Variants in SCAF4 observed in about 807,000 individuals in gnomAD.
SCAF4 encodes the protein SR-related CTD associated factor 4.
A neutral mutation model predicts 129.8 loss-of-function variants in SCAF4; 25 were observed. That is an observed-to-expected ratio of 0.19 (90% CI 0.14 to 0.27). The LOEUF is 0.27. Ranked by LOEUF, SCAF4 falls within the 10% of genes least tolerant of loss-of-function variation. The probability of loss-of-function intolerance (pLI) is 1.00; values close to 1 mark genes in which losing one functional copy is unlikely to be tolerated. For missense variants in SCAF4, 1,246 were observed against 1,457.1 expected (o/e 0.86, Z 2.36); for synonymous variants, 551 against 497.7 (o/e 1.11, Z -1.43).
chr21:31,728,281 C>T (rs1283627888), intron 1 of SCAF4, among the ~76,000 whole-genome samples: 1 of 152,176 alleles, frequency 6.6e-6, no homozygotes, highest in Admixed American at 6.5e-5. Flanking sequence ...GTGCCTAGTA[C>T]ATTGTTAACT....
intron 1 of SCAF4, among the ~76,000 whole-genome samples, chr21:31,711,590 A>AT (rs1247306961): frequency 6.6e-6 from 1 of 152,218 alleles, no homozygotes; most frequent in Non-Finnish European, 1.5e-5. Flanking sequence ...AAGTGGTAAA[A>AT]TTCAATCTGT....
Position 31,696,131 on chromosome 21 carries a change from C to A in SCAF4, c.1050G>T (p.Gln350His), listed in dbSNP as rs370707506. Residue 350 changes from glutamine (Q) to histidine (H), a missense_variant, in exon 9 of 20, where the codon CAG (glutamine) becomes CAT (histidine). This residue lies in a region of SCAF4 where 236 missense variants were observed against 210.0 expected (regional missense o/e 1.12). Coordinates refer to ENST00000286835, the MANE Select transcript of SCAF4 (RefSeq NM_020706.2). ...QFQPRMMGIQQDPMHHQVPLP... is the reference protein window; with the variant it reads ...QFQPRMMGIQHDPMHHQVPLP... Reference sequence around the variant, plus strand: ...CTTGTACCTGATGGTGCATTGGATCCTGTTGTATTCCCATCATTCGTGGCT... The same window carrying A: ...CTTGTACCTGATGGTGCATTGGATCATGTTGTATTCCCATCATTCGTGGCT... The A allele has an allele frequency of 6.2e-7, 1 of 1,611,942 alleles. No homozygotes were observed. The highest frequency in any genetic ancestry group is 1.7e-5 in the Admixed American group (1 of 59,950).
At chr21:31,699,224 A>C (rs185850574) in intron 7 of SCAF4, among the ~76,000 whole-genome samples, 11 of 152,216 alleles carry the variant, frequency 7.2e-5, no homozygotes, top group Admixed American at 7.2e-4. Context: ...ATTTTCAAAA[A>C]CATAATGGTT....
chr21:31,723,629 T>TGTGTGTGTGTGTGTGTGCGCGCGC (rs1271033175), intron 1 of SCAF4, among the ~76,000 whole-genome samples: 1 of 149,000 alleles, frequency 6.7e-6, no homozygotes, highest in African/African-American at 2.5e-5. Flanking sequence ...TGTGTGTGTG[T>TGTGTGTGTGTGTGTGTGCGCGCGC]GCGCGCGCGC....
intron 1 of SCAF4, among the ~76,000 whole-genome samples, chr21:31,718,767 A>G (rs1190403084): frequency 1.3e-5 from 2 of 152,228 alleles, no homozygotes; most frequent in Non-Finnish European, 2.9e-5. Context: ...ATAAGCAACA[A>G]AACCGCACAT....
intron 19 of SCAF4, among the ~76,000 whole-genome samples, chr21:31,678,271 T>TCTACCA (rs2049910115): frequency 6.6e-6 from 1 of 152,210 alleles, no homozygotes; most frequent in African/African-American, 2.4e-5. Flanking sequence ...GGCAATTACA[T>TCTACCA]CTACCAGTTG....
intron 19 of SCAF4, among the ~76,000 whole-genome samples, chr21:31,679,433 T>C (rs369028493): frequency 3.9e-5 from 6 of 152,170 alleles, no homozygotes; most frequent in African/African-American, 1.2e-4. Context: ...TTCCTTTGCA[T>C]AGATTCACCA....
chr21:31,701,979 A>AAGCTATTTT (rs1439856169), intron 5 of SCAF4, 61 bp from the exon 6 acceptor site: 2 of 1,568,350 alleles, frequency 1.3e-6, no homozygotes, highest in Admixed American at 3.9e-5. Context: ...TTTCCTAATT[A>AAGCTATTTT]AGCTTCTTTG....
At chr21:31,721,855 G>C (rs1340161900) in intron 1 of SCAF4, among the ~76,000 whole-genome samples, 3 of 151,744 alleles carry the variant, frequency 2.0e-5, no homozygotes, top group African/African-American at 7.3e-5. Context: ...TGAGTAGCTG[G>C]GATTACAGGC....
chr21:31,730,382 G>T (rs898504602), intron 1 of SCAF4, among the ~76,000 whole-genome samples: 1 of 152,086 alleles, frequency 6.6e-6, no homozygotes, highest in African/African-American at 2.4e-5. Flanking sequence ...TGCAGTTAGG[G>T]CATTTTATGT....
At chr21:31,698,355 T>C (rs1460718094) in intron 7 of SCAF4, among the ~76,000 whole-genome samples, 4 of 152,192 alleles carry the variant, frequency 2.6e-5, no homozygotes, top group Non-Finnish European at 5.9e-5. Context: ...GGTTAAATAC[T>C]AGAGGAATTA....
intron 8 of SCAF4, 152 bp downstream of exon 8, chr21:31,696,417 A>G: frequency 6.9e-6 from 6 of 866,388 alleles, no homozygotes; most frequent in Non-Finnish European, 1.0e-5. Context: ...AAATCTTAAG[A>G]GGATCCCTTC....
chr21:31,671,194 A>G lies in SCAF4; in HGVS notation c.*205T>C. On this transcript the variant is annotated 3_prime_UTR_variant, in exon 20 of 20. Transcript: ENST00000286835. ...AAACTTTTAAAAAGTTACAGCAAAA[A>G]GGGTAATATTTATTCATATTTTCAG... The G allele has an allele frequency of 2.3e-6, 1 of 438,676 alleles. No homozygotes were observed. The highest frequency in any genetic ancestry group is 2.0e-5 in the African/African-American group (1 of 49,608). The allele number at this position is 438,676 out of a possible 1,614,324, so 27.2% of individuals were successfully genotyped here.
At chr21:31,686,740 T>C (rs2050135669) in intron 16 of SCAF4, among the ~76,000 whole-genome samples, 1 of 152,158 alleles carries the variant, frequency 6.6e-6, no homozygotes, top group East Asian at 1.9e-4. Context: ...GCGGCAGCAT[T>C]AGATTGTCAT....
intron 2 of SCAF4, 26 bp from the exon 3 acceptor site, chr21:31,705,493 T>C (rs767536997): frequency 9.0e-7 from 1 of 1,107,894 alleles, no homozygotes; most frequent in South Asian, 1.6e-5. Flanking sequence ...AGAAAATTAC[T>C]GTTCAGTTTA....
At position 31,671,703 on chromosome 21, in the gene SCAF4, TC is replaced by T; in HGVS notation, c.3139del (p.Glu1047LysfsTer37). 1 of 1,614,104 alleles carries T rather than the reference TC, an allele frequency of 6.2e-7. No homozygotes were observed. Reference protein sequence around the residue: ...SPDRDRHRDLEERNRRSSGHR... With the variant: ...SPDRDRHRDLXERNRRSSGHR... ...CCCACTAGAGCGTCTATTTCTCTCTTCCAAGTCTCTGTGCCTGTCCCGGTCA... is the reference window on the plus strand; with the variant it reads ...CCCACTAGAGCGTCTATTTCTCTCTTCAAGTCTCTGTGCCTGTCCCGGTCA... On this transcript the variant is annotated frameshift_variant, in exon 20 of 20. Coordinates refer to ENST00000286835, the MANE Select transcript of SCAF4 (RefSeq NM_020706.2). LOFTEE classifies it high-confidence loss of function.
chr21:31,696,713 T>C lies in SCAF4; in HGVS notation c.815A>G (p.Glu272Gly). The C allele has an allele frequency of 6.2e-7, 1 of 1,613,350 alleles. No individual in the cohort carries two copies. The highest frequency in any genetic ancestry group is 8.5e-7 in the Non-Finnish European group (1 of 1,179,584). Residue 272 changes from glutamate (E) to glycine (G), a missense_variant, in exon 8 of 20, where the codon GAA becomes GGA. By Grantham distance (98) the Glu-to-Gly change is moderately conservative (BLOSUM62 -2). This residue lies in a region of SCAF4 where 236 missense variants were observed against 210.0 expected (regional missense o/e 1.12). Transcript: ENST00000286835. ...LDRFDYDDEP[E>G]AVEESKKEDT... Reference sequence around the variant, plus strand: ...CTCTTTCTTTGATTCTTCCACAGCTTCTGGCTCATCATCATAGTCAAATCT... The same window carrying C: ...CTCTTTCTTTGATTCTTCCACAGCTCCTGGCTCATCATCATAGTCAAATCT...
intron 1 of SCAF4, among the ~76,000 whole-genome samples, chr21:31,717,376 A>G (rs2123658818): frequency 6.6e-6 from 1 of 152,292 alleles, no homozygotes. Flanking sequence ...AAAAAAAGAC[A>G]AAGGAAATAC....
At chr21:31,720,564 G>A (rs954862048) in intron 1 of SCAF4, among the ~76,000 whole-genome samples, 2 of 152,152 alleles carry the variant, frequency 1.3e-5, no homozygotes, top group African/African-American at 4.8e-5. Context: ...GTGGGGCTGT[G>A]GACTAGACTC....
Sources: gnomAD v4.1 joint callset for allele counts (sites outside exome capture counted in the v4.1 genomes callset) on GRCh38, gnomAD v4.1.1 for gene constraint, gnomAD v4.1.1 regional missense constraint, MANE v1.5 for transcripts, NCBI Gene and HGNC (gene_info 2026-07-23, HGNC 2026-07-21) for gene names.